SLC9B2: variants seen among roughly 807,000 people sequenced by gnomAD.
SLC9B2 encodes sodium/hydrogen exchanger 9B2.
Under a neutral mutation model 52.2 loss-of-function variants are expected in SLC9B2, and 39 were observed. The observed-to-expected ratio is 0.75, with a 90% CI of 0.58 to 0.98. The LOEUF (loss-of-function observed/expected upper bound fraction) is 0.98. SLC9B2 is among the 50% of genes least tolerant of loss of function. SLC9B2 has a pLI of 0.00. For synonymous variants in SLC9B2, 214 were observed against 227.0 expected (o/e 0.94, Z 0.51); for missense variants, 626 against 637.5 (o/e 0.98, Z 0.19).
At chr4:103,059,262 A>T (rs1241205663) in intron 3 of SLC9B2, among the ~76,000 whole-genome samples, 1 of 152,184 alleles carries the variant, frequency 6.6e-6, no homozygotes, top group Non-Finnish European at 1.5e-5. Context: ...TGTCCCATAC[A>T]GGCAGTCTGT....
At chr4:103,021,443 TACA>T (rs374054976), downstream of SLC9B2, among the ~76,000 whole-genome samples, 45 of 152,114 alleles carry the variant, frequency 3.0e-4, no homozygotes, top group East Asian at 5.2e-3. Context: ...ATTAAAAAAA[TACA>T]GTGGTTCTTT....
chr4:103,043,611 A>G (rs1247836038), intron 8 of SLC9B2, among the ~76,000 whole-genome samples, 166 bp from the exon 9 acceptor site: 5 of 152,370 alleles, frequency 3.3e-5, no homozygotes, highest in East Asian at 1.9e-4. Context: ...CTTAAACAAA[A>G]GCAGAGTTAG....
chr4:103,020,406 C>T (rs780316627), downstream of SLC9B2: 2 of 421,900 alleles, frequency 4.7e-6, no homozygotes, highest in South Asian at 3.4e-5. Context: ...AAGACAAAAA[C>T]AACTGTTATT....
At chr4:103,059,375 T>C (rs1745434402) in intron 3 of SLC9B2, among the ~76,000 whole-genome samples, 1 of 152,200 alleles carries the variant, frequency 6.6e-6, no homozygotes, top group Non-Finnish European at 1.5e-5. Flanking sequence ...ATCTGATCCA[T>C]ATTTTAGCCC....
rs1380761388 is a variant in SLC9B2 at position 103,076,631 on chromosome 4, G to A, written c.-490C>T. On this transcript the variant is annotated 5_prime_UTR_variant, in exon 1 of 12. Coordinates refer to ENST00000394785, the MANE Select transcript of SLC9B2 (RefSeq NM_178833.7). Reference sequence around the variant, plus strand: ...CGGGGCCTCGGAGCGGCACCGCGCGGTCTTTCAGCTGCTTATCCTCCCTGG... The same window carrying A: ...CGGGGCCTCGGAGCGGCACCGCGCGATCTTTCAGCTGCTTATCCTCCCTGG... The A allele has an allele frequency of 3.3e-5, 5 of 152,402 alleles. No homozygotes were observed. The East Asian group carries it at 9.7e-4, about 29-fold the overall frequency. 9.4% of individuals were successfully genotyped at this position (152,402 alleles called of 1,614,324 possible).
At chr4:103,057,244 G>GTA (rs56742547) in intron 4 of SLC9B2, among the ~76,000 whole-genome samples, 8,146 of 136,884 alleles carry the variant, frequency 0.06, 265 homozygotes, top group Admixed American at 0.098. Flanking sequence ...TTAATTTTAA[G>GTA]TATATATATA....
Position 103,064,608 on chromosome 4 carries a change from G to T in SLC9B2, c.271+1719C>A, listed in dbSNP as rs990156311. On this transcript the variant is annotated intron_variant, in intron 3 of 11. Transcript: ENST00000394785. ...CAACGTGACTATAGTCAGGAATAAG[G>T]TATTGTATACCTCAAAACAGAAGAT... 4.6e-5 allele frequency among the ~76,000 whole-genome samples: 7 copies of T among 152,132 alleles called. No individual in the cohort carries two copies. In the South Asian group the frequency reaches 1.5e-3, roughly 32 times the overall value.
chr4:103,064,900 A>G (rs1745975957), intron 3 of SLC9B2, among the ~76,000 whole-genome samples: 1 of 152,144 alleles, frequency 6.6e-6, no homozygotes, highest in African/African-American at 2.4e-5. Flanking sequence ...AAAATTGTGG[A>G]TAGATTCCAG....
At chr4:103,068,993 A>T (rs191633755) in intron 1 of SLC9B2, among the ~76,000 whole-genome samples, 1 of 152,250 alleles carries the variant, frequency 6.6e-6, no homozygotes. Flanking sequence ...TACAAAACAC[A>T]TGGTAACCAG....
chr4:103,067,425 T>C lies in SLC9B2; in HGVS notation c.90+36A>G, dbSNP rs371512696. 218 of 1,562,594 alleles carry C rather than the reference T, an allele frequency of 1.4e-4. No homozygotes were observed. The African/African-American group carries it at 2.6e-3, about 18-fold the overall frequency. ...GAATTGGTAAATGAGTGGTAGAATA[T>C]GAAGAAAACACAATTCTATCACAGC... On this transcript the variant is annotated intron_variant, in intron 2 of 11. Coordinates refer to ENST00000394785, the MANE Select transcript of SLC9B2 (RefSeq NM_178833.7).
chr4:103,044,127 T>C (rs1040410125), intron 8 of SLC9B2, among the ~76,000 whole-genome samples: 1 of 152,222 alleles, frequency 6.6e-6, no homozygotes, highest in Non-Finnish European at 1.5e-5. Context: ...ATGCAAGCTC[T>C]GAAGGTGAAT....
At chr4:103,043,092 A>G (rs1743776082) in intron 9 of SLC9B2, among the ~76,000 whole-genome samples, 1 of 152,184 alleles carries the variant, frequency 6.6e-6, no homozygotes, top group Non-Finnish European at 1.5e-5. Context: ...TGACCATGAT[A>G]TATTTTAAGT....
At chr4:103,060,971 A>G (rs1273548814) in intron 3 of SLC9B2, among the ~76,000 whole-genome samples, 1 of 152,178 alleles carries the variant, frequency 6.6e-6, no homozygotes, top group East Asian at 1.9e-4. Context: ...TTTACCTCAA[A>G]TTTGGCATCA....
chr4:103,055,081 C>T (rs1362015513), intron 4 of SLC9B2, among the ~76,000 whole-genome samples: 1 of 152,076 alleles, frequency 6.6e-6, no homozygotes, highest in Non-Finnish European at 1.5e-5. Context: ...AGTTCGTGTC[C>T]TTTACAGGGA....
chr4:103,036,937 C>T (rs560643869), intron 9 of SLC9B2, among the ~76,000 whole-genome samples: 18 of 152,196 alleles, frequency 1.2e-4, no homozygotes, highest in African/African-American at 4.1e-4. Flanking sequence ...CAAATAATGT[C>T]GTTTCTTTCA....
rs1291836197 is a variant in SLC9B2, at chr4:103,055,118, C to T, written c.442+2683G>A. Among the ~76,000 whole-genome samples, 3 of 152,040 alleles carry T rather than the reference C, an allele frequency of 2.0e-5. No homozygotes were observed. The South Asian group carries it at 6.2e-4, about 32-fold the overall frequency. ...ATGGATGAAGCTGGAAACCATCGTTCTCAGCAAACTATTGCAAGGACAAAA... is the reference window on the plus strand; with the variant it reads ...ATGGATGAAGCTGGAAACCATCGTTTTCAGCAAACTATTGCAAGGACAAAA... On this transcript the variant is annotated intron_variant, in intron 4 of 11. Coordinates refer to ENST00000394785, the MANE Select transcript of SLC9B2 (RefSeq NM_178833.7).
intron 6 of SLC9B2, 196 bp downstream of exon 6, chr4:103,048,697 G>T (rs751867511): frequency 8.6e-6 from 5 of 580,966 alleles, no homozygotes; most frequent in Non-Finnish European, 1.4e-5. Context: ...TGAATAGTAG[G>T]TGCTAACTGT....
chr4:103,019,011 G>C (rs1741582253), downstream of SLC9B2, among the ~76,000 whole-genome samples: 1 of 152,158 alleles, frequency 6.6e-6, no homozygotes, highest in African/African-American at 2.4e-5. Flanking sequence ...ATCTGAGATA[G>C]AAGAGTGTCA....
Position 103,028,857 on chromosome 4 carries a change from C to A in SLC9B2, c.1282G>T (p.Ala428Ser). 6.2e-7 allele frequency: 1 copy of A among 1,603,288 alleles called. No homozygotes were observed. Among genetic ancestry groups the A allele is most frequent in the Non-Finnish European group, 8.5e-7 (1 of 1,176,520 alleles). The change falls in exon 11 of 12, where the codon GCA becomes TCA. Residue 428 changes from alanine to serine, a missense_variant. Coordinates refer to ENST00000394785, the MANE Select transcript of SLC9B2 (RefSeq NM_178833.7). ...GTAGTCAAAATTCGTATCAATACTG[C>A]AATGCCTACGGTGGCAACACAAAGG... is the stretch of plus-strand genomic sequence containing the variant. ...VGLCVATVGI[A>S]VLIRILTTFL...
Sources: gnomAD v4.1 joint callset for allele counts (sites outside exome capture counted in the v4.1 genomes callset) on GRCh38, gnomAD v4.1.1 for gene constraint, MANE v1.5 for transcripts, NCBI Gene and HGNC (gene_info 2026-07-23, HGNC 2026-07-21) for gene names.